PPP1R21: variants seen among roughly 807,000 people sequenced by gnomAD.
PPP1R21 encodes the protein KLRAQ motif containing 1.
Under a neutral mutation model 112.8 loss-of-function variants are expected in PPP1R21, and 85 were observed. The observed-to-expected ratio is 0.75, with a 90% confidence interval of 0.63 to 0.90. The LOEUF (loss-of-function observed/expected upper bound fraction) is 0.90. Among genes scored for constraint, PPP1R21 ranks in the 40% least tolerant of loss-of-function variants. The probability of loss-of-function intolerance (pLI) is 0.00; values close to 1 mark genes in which losing one functional copy is unlikely to be tolerated. For missense variants in PPP1R21, 1,199 were observed against 901.5 expected, an observed-to-expected ratio of 1.33 and a Z score of -4.23; for synonymous variants, 381 against 322.3, an observed-to-expected ratio of 1.18 and a Z score of -1.95.
intron 18 of PPP1R21, among the ~76,000 whole-genome samples, chr2:48,506,257 C>A (rs1323466598): frequency 3.3e-5 from 5 of 152,148 alleles, no homozygotes; most frequent in Non-Finnish European, 7.3e-5. Context: ...CCATGTCCAG[C>A]TAATTTTTGT....
At chr2:48,492,498 C>T (rs938867101) in intron 15 of PPP1R21, among the ~76,000 whole-genome samples, 1 of 152,000 alleles carries the variant, frequency 6.6e-6, no homozygotes, top group African/African-American at 2.4e-5. Flanking sequence ...TATGGATGTT[C>T]CATAGTTTGT....
intron 17 of PPP1R21, among the ~76,000 whole-genome samples, chr2:48,501,568 G>C (rs1017892197): frequency 6.6e-6 from 1 of 152,162 alleles, no homozygotes; most frequent in East Asian, 1.9e-4. Flanking sequence ...GATAAGTGAT[G>C]GGATGTCTCA....
Position 48,460,274 on chromosome 2 carries a change from C to G in PPP1R21, c.599+121C>G, listed in dbSNP as rs1470098473. ...TTTAAAAGGAGAAAATGGGAGTAAT[C>G]TACAGGGTCCTTTTCAATTCTGGGA... On this transcript the variant is annotated intron_variant, in intron 6 of 21. Coordinates refer to ENST00000294952, the MANE Select transcript of PPP1R21 (RefSeq NM_001135629.3). The G allele has an allele frequency of 2.2e-5, 21 of 937,618 alleles. No homozygotes were observed. In the Admixed American group the frequency reaches 3.8e-4, roughly 17 times the overall value. 58.1% of individuals were successfully genotyped at this position (937,618 alleles called of 1,614,324 possible). A position where few individuals can be genotyped will look rare whatever the true frequency, so the allele number is the denominator to read the frequency against.
intron 7 of PPP1R21, among the ~76,000 whole-genome samples, chr2:48,462,926 A>G (rs1668039226): frequency 6.6e-6 from 1 of 152,198 alleles, no homozygotes; most frequent in Non-Finnish European, 1.5e-5. Flanking sequence ...GAGAGGGAGC[A>G]GACTGGTCCT....
chr2:48,444,659 T>A (rs747560337), intron 1 of PPP1R21, among the ~76,000 whole-genome samples: 1 of 152,200 alleles, frequency 6.6e-6, no homozygotes, highest in Non-Finnish European at 1.5e-5. Context: ...TGAAACAACA[T>A]CATCTGGGAA....
At position 48,482,763 on chromosome 2, in the gene PPP1R21, C is replaced by G. The variant is rs191926106; in HGVS notation, c.1318+2747C>G. Among the ~76,000 whole-genome samples, 3 of 144,766 alleles carry G rather than the reference C, an allele frequency of 2.1e-5. No homozygotes were observed. The South Asian group carries it at 6.7e-4, about 32-fold the overall frequency. The allele number at this position is 144,766 out of a possible 152,430, so 95.0% of individuals were successfully genotyped here. ...AAAGTTTAGTGTGTATACACATCAT[C>G]AGATGACTTTTTTTTCCCCTCAACT... On this transcript the variant is annotated intron_variant, in intron 13 of 21. Transcript: ENST00000294952.
chr2:48,479,814 T>A, intron 12 of PPP1R21, 110 bp from the exon 13 acceptor site: 1 of 744,418 alleles, frequency 1.3e-6, no homozygotes, highest in Admixed American at 1.9e-5. Context: ...AGGCATTATT[T>A]CTAGCACATT....
rs543180389 is a variant in PPP1R21 at position 48,473,956 on chromosome 2, A to C, written c.1089-727A>C. Among the ~76,000 whole-genome samples, 8 of 152,342 alleles carry C rather than the reference A, an allele frequency of 5.3e-5. No individual in the cohort carries two copies. In the South Asian group the frequency reaches 1.7e-3, roughly 32 times the overall value. On this transcript the variant is annotated intron_variant, in intron 11 of 21. Transcript: ENST00000294952. ...GCTTTGGAAAAACTATGTGTACTGG[A>C]AAAGATTTTCTAGATTCTCTTGCTG...
chr2:48,455,490 C>A (rs1483187185), intron 3 of PPP1R21, among the ~76,000 whole-genome samples: 1 of 151,912 alleles, frequency 6.6e-6, no homozygotes, highest in East Asian at 1.9e-4. Flanking sequence ...GATATTAGGT[C>A]AAGAAAGCAG....
At chr2:48,512,865 C>G (rs914193459) in intron 21 of PPP1R21, among the ~76,000 whole-genome samples, 11 of 152,228 alleles carry the variant, frequency 7.2e-5, no homozygotes, top group African/African-American at 2.6e-4. Context: ...CTCCCTTAAC[C>G]TTTTGGTTTC....
At position 48,515,055 on chromosome 2, in the gene PPP1R21, A is replaced by C. The variant is rs1218842097; in HGVS notation, c.*311A>C. The C allele has an allele frequency of 3.2e-6, 1 of 315,778 alleles. No individual in the cohort carries two copies. Among genetic ancestry groups the C allele is most frequent in the Non-Finnish European group, 5.7e-6 (1 of 174,774 alleles). The allele number at this position is 315,778 out of a possible 1,614,324, so 19.6% of individuals were successfully genotyped here. A position where few individuals can be genotyped will look rare whatever the true frequency, so the allele number is the denominator to read the frequency against. ...TTTTAATTTCAGTATGTAAGAACAA[A>C]TATTTTGTATACTTTCAAACTCAAT... On this transcript the variant is annotated 3_prime_UTR_variant, in exon 22 of 22. Coordinates refer to ENST00000294952, the MANE Select transcript of PPP1R21 (RefSeq NM_001135629.3).
intron 15 of PPP1R21, among the ~76,000 whole-genome samples, chr2:48,494,465 C>T (rs185276301): frequency 6.6e-5 from 10 of 151,964 alleles, no homozygotes; most frequent in African/African-American, 9.7e-5. Flanking sequence ...CTTGCTCTGT[C>T]GCCCAGGCTG....
At chr2:48,506,835 A>G (rs1429864096) in intron 18 of PPP1R21, among the ~76,000 whole-genome samples, 1 of 151,926 alleles carries the variant, frequency 6.6e-6, no homozygotes, top group East Asian at 1.9e-4. Flanking sequence ...GGTCCCAGCT[A>G]CGCAGGAGGC....
chr2:48,480,406 A>G (rs1480752904), intron 13 of PPP1R21, among the ~76,000 whole-genome samples: 1 of 152,238 alleles, frequency 6.6e-6, no homozygotes, highest in Non-Finnish European at 1.5e-5. Context: ...CCCCAGAAGG[A>G]ATACACTAAC....
chr2:48,480,310 A>C (rs1479285388), intron 13 of PPP1R21, among the ~76,000 whole-genome samples: 9 of 152,248 alleles, frequency 5.9e-5, no homozygotes, highest in Admixed American at 5.9e-4. Flanking sequence ...ACAAAACCAG[A>C]CATGCTATTC....
At chr2:48,482,166 T>C (rs1300823218) in intron 13 of PPP1R21, among the ~76,000 whole-genome samples, 2 of 152,212 alleles carry the variant, frequency 1.3e-5, no homozygotes, top group Non-Finnish European at 2.9e-5. Flanking sequence ...TATAAAAATA[T>C]GTATCCTACA....
chr2:48,449,810 G>T lies in PPP1R21; in HGVS notation c.58-1198G>T, dbSNP rs556136438. On this transcript the variant is annotated intron_variant, in intron 1 of 21. Transcript: ENST00000294952. ...CATACAAAGATGTCTCATTCTTTCA[G>T]TTTCTCAGAGAAGAACCTGGTCTTT... Among the ~76,000 whole-genome samples, 5 of 149,852 alleles carry T rather than the reference G, an allele frequency of 3.3e-5. No individual in the cohort carries two copies. The East Asian group carries it at 7.8e-4, about 23-fold the overall frequency.
chr2:48,493,878 A>C (rs1288912394), intron 15 of PPP1R21, among the ~76,000 whole-genome samples: 1 of 151,920 alleles, frequency 6.6e-6, no homozygotes, highest in Non-Finnish European at 1.5e-5. Context: ...GCTTATACTG[A>C]TGCTCCTTGA....
At chr2:48,496,683 G>A (rs1021908952) in intron 16 of PPP1R21, among the ~76,000 whole-genome samples, 1 of 152,212 alleles carries the variant, frequency 6.6e-6, no homozygotes, top group African/African-American at 2.4e-5. Context: ...GGCCAGGCTG[G>A]TCTTGAACTC....
Sources: gnomAD v4.1 joint callset for allele counts (sites outside exome capture counted in the v4.1 genomes callset) on GRCh38, gnomAD v4.1.1 for gene constraint, MANE v1.5 for transcripts, NCBI Gene and HGNC (gene_info 2026-07-23, HGNC 2026-07-21) for gene names.